The following CDH18 variants were observed in gnomAD, a reference collection of about 807,000 sequenced individuals.
The protein encoded by CDH18 is cadherin 18.
In CDH18, 31 loss-of-function variants were observed where a neutral mutation model predicts 67.9. The ratio of observed to expected loss-of-function variants is 0.46; its 90% CI spans 0.34 to 0.62. The LOEUF is 0.62. Among genes scored for constraint, CDH18 ranks in the 20% least tolerant of loss-of-function variants. The probability of loss-of-function intolerance (pLI) is 0.01; values close to 1 mark genes in which losing one functional copy is unlikely to be tolerated. For missense variants in CDH18, 890 were observed against 975.5 expected (o/e 0.91, Z 1.17); for synonymous variants, 362 against 347.2 (o/e 1.04, Z -0.48).
chr5:19,808,770 G>C (rs964406897), intron 3 of CDH18, among the ~76,000 whole-genome samples: 2 of 145,326 alleles, frequency 1.4e-5, no homozygotes, highest in Admixed American at 7.1e-5. Context: ...GGTGGAGCTT[G>C]TGGTGAGCCA....
Position 20,480,346 on chromosome 5 carries a change from A to G in CDH18, c.-580+95116T>C, listed in dbSNP as rs113559609. ...ACTACAACAACTTTTCAAGACATAG[A>G]CAGTATAACAAGATAATAATAGTAA... On this transcript the variant is annotated intron_variant, in intron 1 of 14. Transcript: ENST00000507958. 3.6e-3 allele frequency among the ~76,000 whole-genome samples: 546 copies of G among 152,344 alleles called. 5 individuals carry two copies. Among genetic ancestry groups the G allele is most frequent in the African/African-American group, 0.012 (519 of 41,584 alleles).
intron 1 of CDH18, among the ~76,000 whole-genome samples, chr5:20,569,136 G>A (rs1758670794): frequency 6.6e-6 from 1 of 152,140 alleles, no homozygotes; most frequent in African/African-American, 2.4e-5. Flanking sequence ...CAGTGGGATG[G>A]CTACGAGTCG....
chr5:20,410,201 A>C (rs1196873413), intron 1 of CDH18, among the ~76,000 whole-genome samples: 1 of 151,774 alleles, frequency 6.6e-6, no homozygotes, highest in Non-Finnish European at 1.5e-5. Context: ...ACTACAGACA[A>C]TATACTAGAA....
At chr5:20,566,761 C>G (rs922714377) in intron 1 of CDH18, among the ~76,000 whole-genome samples, 1 of 151,860 alleles carries the variant, frequency 6.6e-6, no homozygotes, top group Non-Finnish European at 1.5e-5. Context: ...CTGTCAAGTA[C>G]AATTAAAACA....
intron 1 of CDH18, among the ~76,000 whole-genome samples, chr5:20,424,913 C>T (rs1245262964): frequency 6.6e-6 from 1 of 150,424 alleles, no homozygotes; most frequent in Non-Finnish European, 1.5e-5. Flanking sequence ...TGGATAAGAG[C>T]AAACGTTGGC....
rs1280199405 is a variant in CDH18 at position 19,798,911 on chromosome 5, T to C, written c.228+39848A>G. 3.3e-5 allele frequency among the ~76,000 whole-genome samples: 5 copies of C among 152,208 alleles called. No individual in the cohort carries two copies. The East Asian group carries it at 9.6e-4, about 29-fold the overall frequency. On this transcript the variant is annotated intron_variant, in intron 3 of 12. Coordinates refer to ENST00000382275, the MANE Select transcript of CDH18 (RefSeq NM_004934.5). ...TATGTAAACACAATTATACTGATATTAACATAAATTAAGATACCTTTTTAA... is the reference window on the plus strand; with the variant it reads ...TATGTAAACACAATTATACTGATATCAACATAAATTAAGATACCTTTTTAA...
chr5:19,673,735 C>T (rs4421108), intron 5 of CDH18, among the ~76,000 whole-genome samples: 137,166 of 152,078 alleles, frequency 0.9, 62,502 homozygotes, highest in Non-Finnish European at 0.96. Flanking sequence ...ATTGATAATG[C>T]ACCCTGCAAC....
intron 1 of CDH18, among the ~76,000 whole-genome samples, chr5:20,350,801 A>G (rs1004297012): frequency 1.3e-5 from 2 of 152,198 alleles, no homozygotes; most frequent in Admixed American, 6.5e-5. Flanking sequence ...GGAAGAATGA[A>G]TATTTATCAA....
intron 2 of CDH18, among the ~76,000 whole-genome samples, chr5:20,197,016 T>A (rs1739035150): frequency 6.6e-6 from 1 of 152,196 alleles, no homozygotes; most frequent in Admixed American, 6.5e-5. Flanking sequence ...TCTCTTTTTC[T>A]GTTTTTTTCT....
intron 2 of CDH18, among the ~76,000 whole-genome samples, chr5:19,997,731 A>G (rs1479344579): frequency 6.6e-6 from 1 of 152,198 alleles, no homozygotes; most frequent in African/African-American, 2.4e-5. Context: ...ATGGTAAGCT[A>G]TAGCCTATAC....
At chr5:20,125,361 G>T (rs1280543512) in intron 2 of CDH18, among the ~76,000 whole-genome samples, 1 of 151,876 alleles carries the variant, frequency 6.6e-6, no homozygotes, top group Non-Finnish European at 1.5e-5. Flanking sequence ...AAAAAATTTT[G>T]AAGTTGACTA....
chr5:20,298,230 C>T (rs1456972639), intron 1 of CDH18, among the ~76,000 whole-genome samples: 1 of 152,012 alleles, frequency 6.6e-6, no homozygotes, highest in Non-Finnish European at 1.5e-5. Flanking sequence ...ATATAAAAAG[C>T]AAAAATTATA....
In CDH18 at chr5:20,386,258, G is replaced by A. The variant is rs149976960; in HGVS notation, c.-579-130753C>T. ...TTAATTCTTCTCAGCCATGCTGTCC[G>A]TTTAAGCAGAATAATTTATTCCTAC... On this transcript the variant is annotated intron_variant, in intron 1 of 14. Coordinates refer to the CDH18 transcript ENST00000507958. 1.4e-3 allele frequency among the ~76,000 whole-genome samples: 218 copies of A among 152,234 alleles called. 4 individuals are homozygous for A. The South Asian group carries it at 0.041, about 29-fold the overall frequency.
At chr5:19,783,051 A>G (rs1214108786) in intron 3 of CDH18, among the ~76,000 whole-genome samples, 1 of 152,196 alleles carries the variant, frequency 6.6e-6, no homozygotes, top group Non-Finnish European at 1.5e-5. Flanking sequence ...TCACAGATGT[A>G]AAATGTATTT....
intron 2 of CDH18, among the ~76,000 whole-genome samples, chr5:20,154,336 C>CTTTA (rs140016978): frequency 0.025 from 3,783 of 152,232 alleles, 145 homozygotes; most frequent in African/African-American, 0.086. Flanking sequence ...TCTGCCAACA[C>CTTTA]TTTAGTAACA....
intron 1 of CDH18, among the ~76,000 whole-genome samples, chr5:20,436,099 C>T (rs1462932483): frequency 6.6e-6 from 1 of 151,954 alleles, no homozygotes; most frequent in African/African-American, 2.4e-5. Flanking sequence ...GCTTAAATCA[C>T]CTTTCCCTGT....
At chr5:19,475,610 C>T (rs1220882264) in intron 12 of CDH18, among the ~76,000 whole-genome samples, 3 of 151,912 alleles carry the variant, frequency 2.0e-5, no homozygotes, top group Non-Finnish European at 4.4e-5. Context: ...ATTTGAGATA[C>T]ACACAGGCAA....
At chr5:20,008,072 C>T (rs541361717) in intron 2 of CDH18, among the ~76,000 whole-genome samples, 23 of 152,148 alleles carry the variant, frequency 1.5e-4, no homozygotes, top group African/African-American at 5.3e-4. Context: ...CATCAATTCA[C>T]TAGGCCAACC....
intron 2 of CDH18, among the ~76,000 whole-genome samples, chr5:20,002,987 T>C (rs2150403196): frequency 6.6e-6 from 1 of 151,818 alleles, no homozygotes; most frequent in East Asian, 1.9e-4. Context: ...AATTCACCTA[T>C]TGGGTGTGTT....
Sources: allele counts gnomAD v4.1 joint callset (sites outside exome capture counted in the v4.1 genomes callset), GRCh38; gene constraint gnomAD v4.1.1; transcripts MANE v1.5; gene names NCBI Gene and HGNC (gene_info 2026-07-23, HGNC 2026-07-21).